The following PLA1A variants were observed in gnomAD, a reference collection of about 807,000 sequenced individuals.
PLA1A encodes the protein phospholipase A1 member A, also known as phosphatidylserine-specific phospholipase A1alpha.
A neutral mutation model predicts 49.4 loss-of-function variants in PLA1A; 47 were observed. The observed-to-expected ratio is 0.95, with a 90% confidence interval of 0.75 to 1.21. The LOEUF (loss-of-function observed/expected upper bound fraction) is 1.21. Among genes scored for constraint, PLA1A ranks in the 50% most tolerant of loss-of-function variants. The pLI is 0.00. For synonymous variants in PLA1A, 224 were observed against 207.9 expected, an observed-to-expected ratio of 1.08 and a Z score of -0.67; for missense variants, 561 against 563.9, an observed-to-expected ratio of 0.99 and a Z score of 0.05.
chr3:119,597,997 G>C lies in PLA1A; in HGVS notation c.73+11G>C, dbSNP rs747898428. On this transcript the variant is annotated intron_variant, in intron 1 of 10. Coordinates refer to ENST00000273371, the MANE Select transcript of PLA1A (RefSeq NM_015900.4). Reference sequence around the variant, plus strand: ...GCGTTGGAAGTTCAGGTAAGCCAGGGCTCAGGCCTTGGGAGGAACTTATTT... The same window carrying C: ...GCGTTGGAAGTTCAGGTAAGCCAGGCCTCAGGCCTTGGGAGGAACTTATTT... The C allele has an allele frequency of 6.4e-7, 1 of 1,571,782 alleles. No individual in the cohort carries two copies. Among genetic ancestry groups the C allele is most frequent in the Non-Finnish European group, 8.7e-7 (1 of 1,146,832 alleles).
chr3:119,628,332 G>A (rs1026321505), intron 9 of PLA1A, among the ~76,000 whole-genome samples: 3 of 152,232 alleles, frequency 2.0e-5, no homozygotes, highest in African/African-American at 7.2e-5. Context: ...AGAATTCTTT[G>A]AAAAGGAATG....
intron 1 of PLA1A, among the ~76,000 whole-genome samples, chr3:119,604,829 T>G (rs1199179331): frequency 1.3e-5 from 2 of 152,132 alleles, no homozygotes; most frequent in Non-Finnish European, 2.9e-5. Context: ...CACAGGCACA[T>G]GGGATGGGCT....
At chr3:119,598,069 T>C in intron 1 of PLA1A, 83 bp downstream of exon 1, 1 of 843,210 alleles carries the variant, frequency 1.2e-6, no homozygotes, top group Non-Finnish European at 1.9e-6. Context: ...TACTAACTTT[T>C]GGAAGATCCC....
Position 119,629,636 on chromosome 3 carries a change from C to T in PLA1A, c.*168C>T. ...CAGCTACCCTGGAGGGGAGGGAGAA[C>T]TCATTTTACAGAACTTGGTTTCCTT... On this transcript the variant is annotated 3_prime_UTR_variant, in exon 11 of 11. Coordinates refer to ENST00000273371, the MANE Select transcript of PLA1A (RefSeq NM_015900.4). 1.7e-6 allele frequency: 1 copy of T among 582,964 alleles called. No individual in the cohort carries two copies. Among genetic ancestry groups the T allele is most frequent in the African/African-American group, 1.9e-5 (1 of 53,842 alleles). 36.1% of individuals were successfully genotyped at this position (582,964 alleles called of 1,614,324 possible).
intron 8 of PLA1A, among the ~76,000 whole-genome samples, chr3:119,622,289 A>G (rs1021382026): frequency 6.6e-6 from 1 of 152,168 alleles, no homozygotes; most frequent in African/African-American, 2.4e-5. Flanking sequence ...TAATATAGCA[A>G]ACTCAGCCCT....
At chr3:119,617,471 G>T (rs573344369) in intron 6 of PLA1A, among the ~76,000 whole-genome samples, 2 of 151,910 alleles carry the variant, frequency 1.3e-5, no homozygotes, top group Non-Finnish European at 2.9e-5. Flanking sequence ...GGCCAGGTAC[G>T]GTGGCTCACA....
At chr3:119,628,187 T>C (rs766130354) in intron 9 of PLA1A, among the ~76,000 whole-genome samples, 1 of 152,252 alleles carries the variant, frequency 6.6e-6, no homozygotes, top group Non-Finnish European at 1.5e-5. Flanking sequence ...CCAGCTTAGG[T>C]AACTTGTCCA....
At chr3:119,602,348 G>A (rs192765602) in intron 1 of PLA1A, among the ~76,000 whole-genome samples, 33 of 152,098 alleles carry the variant, frequency 2.2e-4, no homozygotes, top group African/African-American at 5.8e-4. Flanking sequence ...TTGATTTTCT[G>A]TTTTTCCTTT....
intron 8 of PLA1A, chr3:119,620,033 G>C (rs1186163922): frequency 4.3e-6 from 2 of 461,660 alleles, no homozygotes; most frequent in African/African-American, 4.0e-5. Context: ...GGGGTCCCTG[G>C]GGAATACTGA....
Position 119,606,767 on chromosome 3 carries a change from C to T in PLA1A, c.74-7C>T. On this transcript the variant is annotated splice_region_variant and splice_polypyrimidine_tract_variant and intron_variant, in intron 1 of 10. Coordinates refer to ENST00000273371, the MANE Select transcript of PLA1A (RefSeq NM_015900.4). The stretch of plus-strand genomic sequence containing the variant: ...GATGTTGCTTGTTTTGTTTTGTTTT[C>T]CTCCAGGGGATGCACCTCCTACCCC... The T allele has an allele frequency of 6.2e-7, 1 of 1,611,938 alleles. No homozygotes were observed.
chr3:119,608,483 G>A (rs910039733), intron 2 of PLA1A, among the ~76,000 whole-genome samples: 1 of 152,176 alleles, frequency 6.6e-6, no homozygotes, highest in Non-Finnish European at 1.5e-5. Flanking sequence ...AGGCTGATGA[G>A]GCTGACATCC....
intron 8 of PLA1A, among the ~76,000 whole-genome samples, chr3:119,621,237 C>A (rs190725027): frequency 6.6e-6 from 1 of 152,306 alleles, no homozygotes; most frequent in African/African-American, 2.4e-5. Context: ...ATGTTAAGGT[C>A]CCTGCTGAGG....
At chr3:119,599,462 C>T (rs1343698513) in intron 1 of PLA1A, among the ~76,000 whole-genome samples, 1 of 152,090 alleles carries the variant, frequency 6.6e-6, no homozygotes, top group Non-Finnish European at 1.5e-5. Flanking sequence ...CCCAGGCCTC[C>T]TTAGGGGCTG....
chr3:119,613,098 C>G lies in PLA1A; in HGVS notation c.644C>G (p.Ala215Gly). ...LDAGDALFVE[A>G]IHTDTDNLGI... Reference sequence around the variant, plus strand: ...GCTGGAGATGCCCTCTTCGTGGAAGCCATCCACACAGACACCGACAGTGAG... The same window carrying G: ...GCTGGAGATGCCCTCTTCGTGGAAGGCATCCACACAGACACCGACAGTGAG... The change falls in exon 5 of 11, where the codon GCC becomes GGC. Residue 215 changes from alanine to glycine, a missense_variant. Transcript: ENST00000273371. 6.2e-7 allele frequency: 1 copy of G among 1,606,844 alleles called. No homozygotes were observed. The highest frequency in any genetic ancestry group is 8.5e-7 in the Non-Finnish European group (1 of 1,176,098).
intron 2 of PLA1A, 151 bp downstream of exon 2, chr3:119,607,126 C>T (rs1223333016): frequency 9.2e-6 from 6 of 650,830 alleles, no homozygotes; most frequent in Admixed American, 5.0e-5. Context: ...GATGGGGTCT[C>T]ATGTCAACAT....
At chr3:119,608,739 T>C in intron 2 of PLA1A, 31 bp from the exon 3 acceptor site, 2 of 1,561,154 alleles carry the variant, frequency 1.3e-6, no homozygotes, top group Non-Finnish European at 1.8e-6. Context: ...TGGCAGGTAA[T>C]TTTTCCATTC....
At chr3:119,602,477 G>A (rs2082630276) in intron 1 of PLA1A, among the ~76,000 whole-genome samples, 1 of 152,036 alleles carries the variant, frequency 6.6e-6, no homozygotes, top group South Asian at 2.1e-4. Context: ...GAAATCTACT[G>A]TCTGTATTTA....
At chr3:119,600,179 A>G in intron 1 of PLA1A, 1 of 544,938 alleles carries the variant, frequency 1.8e-6, no homozygotes, top group Non-Finnish European at 3.3e-6. Flanking sequence ...CTGTCACACA[A>G]GGGCAGTAGC....
chr3:119,617,814 A>G (rs1307172871), intron 6 of PLA1A, among the ~76,000 whole-genome samples: 5 of 152,220 alleles, frequency 3.3e-5, no homozygotes, highest in Non-Finnish European at 5.9e-5. Context: ...TTGATGGATT[A>G]TGCTTATGTA....
Sources: allele counts gnomAD v4.1 joint callset (sites outside exome capture counted in the v4.1 genomes callset), GRCh38; gene constraint gnomAD v4.1.1; transcripts MANE v1.5; gene names NCBI Gene and HGNC (gene_info 2026-07-23, HGNC 2026-07-21).